Variants in VAT1L observed in about 807,000 individuals in gnomAD.
VAT1L encodes the protein vesicle amine transport 1 like.
In VAT1L, 34 loss-of-function variants were observed where a neutral mutation model predicts 44.1. That is an observed-to-expected ratio of 0.77 (90% CI 0.59 to 1.03). The LOEUF is 1.03. Among genes scored for constraint, VAT1L ranks in the 50% least tolerant of loss-of-function variants. The probability of loss-of-function intolerance (pLI) is 0.00; values close to 1 mark genes in which losing one functional copy is unlikely to be tolerated. For missense variants in VAT1L, 615 were observed against 538.8 expected, an observed-to-expected ratio of 1.14 and a Z score of -1.40; for synonymous variants, 253 against 202.2, an observed-to-expected ratio of 1.25 and a Z score of -2.13.
In VAT1L at chr16:77,979,405, G is replaced by A. The variant is rs1409006214; in HGVS notation, c.*1710G>A. 6.6e-6 allele frequency: 1 copy of A among 152,250 alleles called. No individual in the cohort carries two copies. Among genetic ancestry groups the A allele is most frequent in the Admixed American group, 6.5e-5 (1 of 15,288 alleles). The allele number at this position is 152,250 out of a possible 1,614,324, so 9.4% of individuals were successfully genotyped here. A position where few individuals can be genotyped will look rare whatever the true frequency, so the allele number is the denominator to read the frequency against. ...GTTCTGGGTCATTTAGAGAGATAATGGGGCGTTTATTCCCCTATTACCTTT... is the reference window on the plus strand; with the variant it reads ...GTTCTGGGTCATTTAGAGAGATAATAGGGCGTTTATTCCCCTATTACCTTT... On this transcript the variant is annotated 3_prime_UTR_variant, in exon 9 of 9. Transcript: ENST00000302536.
At chr16:77,941,533 C>A (rs905243031) in intron 7 of VAT1L, among the ~76,000 whole-genome samples, 1 of 152,126 alleles carries the variant, frequency 6.6e-6, no homozygotes, top group African/African-American at 2.4e-5. Context: ...GATATATACA[C>A]AGTAATGGGA....
intron 7 of VAT1L, among the ~76,000 whole-genome samples, chr16:77,946,802 C>G (rs1399117720): frequency 6.6e-6 from 1 of 152,142 alleles, no homozygotes; most frequent in Non-Finnish European, 1.5e-5. Context: ...CTCTAGAGGA[C>G]CTGACTACTG....
chr16:77,907,505 A>T (rs1597093067), intron 7 of VAT1L, among the ~76,000 whole-genome samples: 1 of 152,170 alleles, frequency 6.6e-6, no homozygotes, highest in Admixed American at 6.5e-5. Flanking sequence ...CCTTAGGTCC[A>T]TTGCTGTATA....
intron 7 of VAT1L, among the ~76,000 whole-genome samples, chr16:77,958,854 G>T (rs1003267873): frequency 6.6e-6 from 1 of 152,184 alleles, no homozygotes; most frequent in Admixed American, 6.5e-5. Flanking sequence ...TTGTAAGCCA[G>T]TGTTCCTACT....
chr16:77,966,288 T>C (rs943900242), intron 7 of VAT1L, among the ~76,000 whole-genome samples: 4 of 152,268 alleles, frequency 2.6e-5, no homozygotes, highest in African/African-American at 9.6e-5. Context: ...TGGGGTAAGG[T>C]TGACATCACT....
intron 3 of VAT1L, among the ~76,000 whole-genome samples, chr16:77,857,422 A>T (rs915534619): frequency 9.9e-5 from 15 of 152,192 alleles, no homozygotes; most frequent in Non-Finnish European, 1.5e-5. Flanking sequence ...TTTCTGCTTA[A>T]ATACAGAATG....
intron 1 of VAT1L, among the ~76,000 whole-genome samples, chr16:77,813,545 G>A (rs1238576977): frequency 6.6e-6 from 1 of 152,204 alleles, no homozygotes; most frequent in Non-Finnish European, 1.5e-5. Flanking sequence ...AGGGAACTCA[G>A]CAATGGAAGT....
chr16:77,800,246 T>A (rs2016021776), intron 1 of VAT1L: 1 of 152,216 alleles, frequency 6.6e-6, no homozygotes, highest in East Asian at 1.9e-4. Flanking sequence ...GTTCTCACGA[T>A]GCTCTGTAAT....
intron 1 of VAT1L, among the ~76,000 whole-genome samples, chr16:77,796,725 A>G (rs1473756173): frequency 6.6e-6 from 1 of 152,248 alleles, no homozygotes; most frequent in Non-Finnish European, 1.5e-5. Flanking sequence ...ATGAATTGCC[A>G]TCTCTTGTTT....
intron 4 of VAT1L, among the ~76,000 whole-genome samples, chr16:77,868,294 G>C (rs1283352912): frequency 6.6e-6 from 1 of 152,174 alleles, no homozygotes; most frequent in Non-Finnish European, 1.5e-5. Context: ...ATTATGAAGT[G>C]AGACCATTGT....
chr16:77,948,424 T>C (rs891480983), intron 7 of VAT1L, among the ~76,000 whole-genome samples: 4 of 152,234 alleles, frequency 2.6e-5, no homozygotes, highest in Non-Finnish European at 5.9e-5. Context: ...ATCAAACATA[T>C]GCTGGGTCCT....
chr16:77,889,946 G>A (rs2017246243), intron 7 of VAT1L, among the ~76,000 whole-genome samples: 1 of 152,144 alleles, frequency 6.6e-6, no homozygotes, highest in Admixed American at 6.5e-5. Flanking sequence ...AAATTAGCCA[G>A]GCATGGTGGC....
chr16:77,957,100 A>G (rs1383463248), intron 7 of VAT1L, among the ~76,000 whole-genome samples: 2 of 152,308 alleles, frequency 1.3e-5, no homozygotes, highest in Middle Eastern at 3.4e-3. Context: ...AACTTAATAA[A>G]TGGTACTTTC....
At chr16:77,935,025 C>T (rs2017776751) in intron 7 of VAT1L, among the ~76,000 whole-genome samples, 1 of 152,086 alleles carries the variant, frequency 6.6e-6, no homozygotes, top group Admixed American at 6.5e-5. Flanking sequence ...TCTTGGTGCT[C>T]GATTTCCTCT....
chr16:77,866,281 C>T (rs1422744244), intron 4 of VAT1L, among the ~76,000 whole-genome samples: 1 of 152,150 alleles, frequency 6.6e-6, no homozygotes, highest in Non-Finnish European at 1.5e-5. Flanking sequence ...AGAACAAGCC[C>T]CTACAATCAA....
At chr16:77,948,634 TG>T (rs2142520916) in intron 7 of VAT1L, among the ~76,000 whole-genome samples, 1 of 152,278 alleles carries the variant, frequency 6.6e-6, no homozygotes, top group South Asian at 2.1e-4. Flanking sequence ...GATTAATATT[TG>T]GTTGATTTTT....
At chr16:77,912,676 G>T (rs1036928672) in intron 7 of VAT1L, among the ~76,000 whole-genome samples, 2 of 152,134 alleles carry the variant, frequency 1.3e-5, no homozygotes, top group African/African-American at 4.8e-5. Context: ...CTATTGTAAA[G>T]TATCTCTTGA....
intron 1 of VAT1L, among the ~76,000 whole-genome samples, chr16:77,803,154 G>T (rs1241129816): frequency 6.6e-6 from 1 of 152,132 alleles, no homozygotes; most frequent in Non-Finnish European, 1.5e-5. Flanking sequence ...TAGTCTACAG[G>T]GAAGATAATA....
intron 3 of VAT1L, among the ~76,000 whole-genome samples, chr16:77,855,155 T>C (rs1231028757): frequency 6.6e-6 from 1 of 151,678 alleles, no homozygotes; most frequent in Non-Finnish European, 1.5e-5. Flanking sequence ...GCCTGGCCAA[T>C]ATGGTGAAAC....
Sources: gnomAD v4.1 joint callset for allele counts (sites outside exome capture counted in the v4.1 genomes callset) on GRCh38, gnomAD v4.1.1 for gene constraint, MANE v1.5 for transcripts, NCBI Gene and HGNC (gene_info 2026-07-23, HGNC 2026-07-21) for gene names.